NCAM2: variants seen among roughly 807,000 people sequenced by gnomAD.
The protein encoded by NCAM2 is N-CAM-2.
NCAM2 carries 30 observed loss-of-function variants against 98.1 expected under a neutral mutation model. The observed-to-expected ratio is 0.31, with a 90% CI of 0.23 to 0.41. The LOEUF is 0.41. NCAM2 is among the 10% of genes least tolerant of loss of function. NCAM2 has a pLI of 1.00. For missense variants in NCAM2, 867 were observed against 1,005.8 expected, an observed-to-expected ratio of 0.86 and a Z score of 1.87; for synonymous variants, 368 against 342.4, an observed-to-expected ratio of 1.07 and a Z score of -0.83.
chr21:21,436,002 C>G (rs1978315314), intron 12 of NCAM2, among the ~76,000 whole-genome samples: 1 of 152,104 alleles, frequency 6.6e-6, no homozygotes, highest in Non-Finnish European at 1.5e-5. Flanking sequence ...CCACCCCTAA[C>G]GTTGTAAGAT....
chr21:21,224,764 A>G (rs943158558), intron 1 of NCAM2, among the ~76,000 whole-genome samples: 1 of 152,160 alleles, frequency 6.6e-6, no homozygotes, highest in Non-Finnish European at 1.5e-5. Context: ...TTAATGTTAT[A>G]TGTAGAACCA....
chr21:21,121,184 G>C (rs554538706), intron 1 of NCAM2, among the ~76,000 whole-genome samples: 1 of 152,268 alleles, frequency 6.6e-6, no homozygotes, highest in African/African-American at 2.4e-5. Flanking sequence ...CTTTATGAAA[G>C]TATGAGTGAT....
chr21:21,484,536 C>A (rs1986179144), intron 15 of NCAM2, among the ~76,000 whole-genome samples: 1 of 151,928 alleles, frequency 6.6e-6, no homozygotes, highest in Non-Finnish European at 1.5e-5. Flanking sequence ...TTCATTATAG[C>A]CATAAGTTTG....
intron 6 of NCAM2, among the ~76,000 whole-genome samples, chr21:21,331,383 C>T (rs1356307331): frequency 6.7e-6 from 1 of 149,220 alleles, no homozygotes; most frequent in African/African-American, 2.5e-5. Context: ...AGAAATCCTC[C>T]TGCCTTGGCC....
intron 5 of NCAM2, among the ~76,000 whole-genome samples, chr21:21,306,249 C>G (rs2073876039): frequency 6.6e-6 from 1 of 152,124 alleles, no homozygotes. Context: ...TTTTAACCTA[C>G]TTGCTCTATT....
chr21:21,113,140 G>A (rs570698805), intron 1 of NCAM2, among the ~76,000 whole-genome samples: 1 of 152,126 alleles, frequency 6.6e-6, no homozygotes, highest in East Asian at 1.9e-4. Flanking sequence ...GGTTCTGTGA[G>A]GTTAAAAACC....
At chr21:21,016,642 T>C (rs566626479) in intron 1 of NCAM2, among the ~76,000 whole-genome samples, 1 of 152,274 alleles carries the variant, frequency 6.6e-6, no homozygotes, top group East Asian at 1.9e-4. Flanking sequence ...GTAAGGCTAT[T>C]AACTTGCTTT....
intron 1 of NCAM2, among the ~76,000 whole-genome samples, chr21:21,068,607 G>A (rs920682784): frequency 1.3e-5 from 2 of 151,368 alleles, no homozygotes; most frequent in Admixed American, 1.3e-4. Context: ...TTACCAGCAT[G>A]TGCCACCATG....
rs765107647 is a variant in NCAM2, at chr21:21,362,345, G to A, written c.1045-11518G>A. 5.7e-4 allele frequency among the ~76,000 whole-genome samples: 86 copies of A among 151,296 alleles called. 1 individual carries two copies. The highest frequency in any genetic ancestry group is 9.6e-4 in the Non-Finnish European group (65 of 67,880). On this transcript the variant is annotated intron_variant, in intron 8 of 17. Transcript: ENST00000400546. ...TCTTATTTAATGGCTTTACATGATAGACCACTTTTCCATTTGCTGTGACAA... is the reference window on the plus strand; with the variant it reads ...TCTTATTTAATGGCTTTACATGATAAACCACTTTTCCATTTGCTGTGACAA...
intron 1 of NCAM2, among the ~76,000 whole-genome samples, chr21:21,146,738 G>T (rs2067286131): frequency 6.6e-6 from 1 of 152,026 alleles, no homozygotes; most frequent in African/African-American, 2.4e-5. Context: ...CATTATTCAT[G>T]CTACGGGTTT....
intron 1 of NCAM2, among the ~76,000 whole-genome samples, chr21:21,269,742 G>A (rs2072423783): frequency 6.6e-6 from 1 of 152,110 alleles, no homozygotes; most frequent in Admixed American, 6.6e-5. Flanking sequence ...TTTTTCTAAT[G>A]TGGAAGAGGG....
At chr21:21,184,931 G>A (rs1247789267) in intron 1 of NCAM2, among the ~76,000 whole-genome samples, 1 of 152,050 alleles carries the variant, frequency 6.6e-6, no homozygotes, top group African/African-American at 2.4e-5. Context: ...TGGGAGGGAT[G>A]GCTGTACACC....
intron 13 of NCAM2, among the ~76,000 whole-genome samples, chr21:21,468,095 G>GT (rs1302221538): frequency 6.6e-6 from 1 of 151,862 alleles, no homozygotes; most frequent in Non-Finnish European, 1.5e-5. Context: ...TCAAAGGCAA[G>GT]TATATGAATG....
chr21:21,465,543 G>A (rs957980206), intron 12 of NCAM2, among the ~76,000 whole-genome samples: 3 of 105,554 alleles, frequency 2.8e-5, no homozygotes, highest in Non-Finnish European at 6.5e-5. Context: ...ATGTTATCTA[G>A]TAAATTATAA....
chr21:21,137,751 T>G (rs1009612111), intron 1 of NCAM2, among the ~76,000 whole-genome samples: 1 of 151,930 alleles, frequency 6.6e-6, no homozygotes, highest in Admixed American at 6.6e-5. Context: ...AGAGCGAAAC[T>G]CCATTAAAAA....
At chr21:21,330,879 G>A (rs944955628) in intron 6 of NCAM2, among the ~76,000 whole-genome samples, 3 of 151,910 alleles carry the variant, frequency 2.0e-5, no homozygotes, top group Non-Finnish European at 4.4e-5. Flanking sequence ...ACTAAGTTAC[G>A]TCACTATGTC....
intron 1 of NCAM2, among the ~76,000 whole-genome samples, chr21:21,128,158 G>A (rs1272722245): frequency 6.6e-6 from 1 of 152,124 alleles, no homozygotes; most frequent in African/African-American, 2.4e-5. Context: ...TCTAGGTAGG[G>A]GACTGTAGTT....
chr21:21,099,551 C>T (rs1345119648), intron 1 of NCAM2, among the ~76,000 whole-genome samples: 1 of 151,850 alleles, frequency 6.6e-6, no homozygotes, highest in South Asian at 2.1e-4. Flanking sequence ...TGAAAACTCA[C>T]TCACTATCAT....
intron 1 of NCAM2, among the ~76,000 whole-genome samples, chr21:21,198,573 GA>G (rs2147005548): frequency 6.6e-6 from 1 of 152,220 alleles, no homozygotes; most frequent in East Asian, 1.9e-4. Flanking sequence ...TAGCAATGTA[GA>G]AAAAATAATT....
Sources: allele counts gnomAD v4.1 joint callset (sites outside exome capture counted in the v4.1 genomes callset), GRCh38; gene constraint gnomAD v4.1.1; transcripts MANE v1.5; gene names NCBI Gene and HGNC (gene_info 2026-07-23, HGNC 2026-07-21).